The following IMMP2L variants were observed in gnomAD, a reference collection of about 807,000 sequenced individuals.
IMMP2L encodes the protein mitochondrial inner membrane protease subunit 2.
In IMMP2L, 18 loss-of-function variants were observed where a neutral mutation model predicts 19.3. That is an observed-to-expected ratio of 0.93 (90% CI 0.64 to 1.38). The LOEUF (loss-of-function observed/expected upper bound fraction) is 1.38. IMMP2L is among the 40% of genes most tolerant of loss of function. The pLI is 0.00. For missense variants in IMMP2L, 233 were observed against 218.2 expected (o/e 1.07, Z -0.43); for synonymous variants, 76 against 73.0 (o/e 1.04, Z -0.21).
intron 3 of IMMP2L, among the ~76,000 whole-genome samples, chr7:111,398,652 G>T (rs1355003170): frequency 6.6e-6 from 1 of 151,916 alleles, no homozygotes; most frequent in African/African-American, 2.4e-5. Flanking sequence ...CAGAAATAAA[G>T]GGCATCCAAA....
intron 5 of IMMP2L, among the ~76,000 whole-genome samples, chr7:110,664,390 A>G (rs1791296126): frequency 6.6e-6 from 1 of 152,112 alleles, no homozygotes; most frequent in Non-Finnish European, 1.5e-5. Flanking sequence ...GAGAAAGCAA[A>G]CAAGGTGGGA....
At chr7:111,215,358 G>T (rs1811821266) in intron 3 of IMMP2L, among the ~76,000 whole-genome samples, 1 of 152,010 alleles carries the variant, frequency 6.6e-6, no homozygotes, top group Non-Finnish European at 1.5e-5. Context: ...ATCTGAATCT[G>T]ACCCAAAATC....
rs968976224 is a variant in IMMP2L at position 110,870,859 on chromosome 7, T to C, written c.408+15734A>G. On this transcript the variant is annotated intron_variant, in intron 5 of 5. Coordinates refer to ENST00000405709, the MANE Select transcript of IMMP2L (RefSeq NM_032549.4). This position sits in a 1 kb window ranked among gnomAD's most constrained non-coding sequence, Gnocchi z 4.2. ...AATTCTAATAGCAACAGGAAGCCAC[T>C]GAAGTGTTTCATGTAGGCTAGAGAT... Among the ~76,000 whole-genome samples the C allele has an allele frequency of 6.6e-6, 1 of 152,122 alleles. No individual in the cohort carries two copies. Among genetic ancestry groups the C allele is most frequent in the African/African-American group, 2.4e-5 (1 of 41,452 alleles).
chr7:111,124,652 C>T, intron 3 of IMMP2L: 1 of 1,613,870 alleles, frequency 6.2e-7, no homozygotes, highest in Non-Finnish European at 8.5e-7. Flanking sequence ...AATAATACCA[C>T]AACACTTATG....
chr7:111,460,328 T>C (rs1457469633), intron 3 of IMMP2L, among the ~76,000 whole-genome samples: 1 of 152,082 alleles, frequency 6.6e-6, no homozygotes, highest in African/African-American at 2.4e-5. Context: ...GCTGAACACA[T>C]TGATGTTTAA....
intron 5 of IMMP2L, among the ~76,000 whole-genome samples, chr7:110,729,401 A>G (rs1796103640): frequency 6.6e-6 from 1 of 152,168 alleles, no homozygotes; most frequent in Admixed American, 6.5e-5. Flanking sequence ...TAAAACCATC[A>G]GATCTCAGGA....
intron 3 of IMMP2L, among the ~76,000 whole-genome samples, chr7:111,004,388 C>T (rs937925497): frequency 6.6e-6 from 1 of 152,018 alleles, no homozygotes; most frequent in Non-Finnish European, 1.5e-5. Flanking sequence ...TGGTCTGAAA[C>T]TCCTGGACTC....
intron 5 of IMMP2L, among the ~76,000 whole-genome samples, chr7:110,862,247 G>T (rs1388872578): frequency 6.6e-6 from 1 of 151,158 alleles, no homozygotes; most frequent in Non-Finnish European, 1.5e-5. Flanking sequence ...TTTTTTTTTA[G>T]AAATGGGGCT....
At chr7:110,838,494 G>A (rs1299289268) in intron 5 of IMMP2L, among the ~76,000 whole-genome samples, 1 of 152,050 alleles carries the variant, frequency 6.6e-6, no homozygotes, top group East Asian at 1.9e-4. Context: ...ACTGGATAAT[G>A]AGGGCTCTAC....
At chr7:111,399,297 G>A (rs1306480790) in intron 3 of IMMP2L, among the ~76,000 whole-genome samples, 1 of 152,058 alleles carries the variant, frequency 6.6e-6, no homozygotes, top group Non-Finnish European at 1.5e-5. Context: ...TAGACCAATG[G>A]AACACAATAG....
At chr7:110,669,695 A>G (rs1791758356) in intron 5 of IMMP2L, among the ~76,000 whole-genome samples, 1 of 152,154 alleles carries the variant, frequency 6.6e-6, no homozygotes, top group African/African-American at 2.4e-5. Context: ...TACTGCCTCT[A>G]TTTCGTAGCC....
At chr7:110,806,793 C>A (rs189111210) in intron 5 of IMMP2L, among the ~76,000 whole-genome samples, 34 of 151,766 alleles carry the variant, frequency 2.2e-4, no homozygotes, top group Admixed American at 1.9e-3. Flanking sequence ...CTGGCATAGT[C>A]AGAAAAGGTG....
At chr7:110,921,539 A>T (rs2129550520) in intron 4 of IMMP2L, among the ~76,000 whole-genome samples, 1 of 152,218 alleles carries the variant, frequency 6.6e-6, no homozygotes. Context: ...TATTCAAATT[A>T]CCCTCCCTTT....
chr7:110,782,278 A>G (rs1799794476), intron 5 of IMMP2L, among the ~76,000 whole-genome samples: 1 of 151,984 alleles, frequency 6.6e-6, no homozygotes, highest in Admixed American at 6.6e-5. Context: ...AGACTATCAA[A>G]GTGAGACAAT....
intron 3 of IMMP2L, among the ~76,000 whole-genome samples, chr7:111,201,018 C>T (rs977564167): frequency 6.6e-6 from 1 of 152,050 alleles, no homozygotes; most frequent in Non-Finnish European, 1.5e-5. Context: ...TAGATTAAGT[C>T]TTCTATAAAG....
chr7:110,799,784 T>G (rs1022432682), intron 5 of IMMP2L, among the ~76,000 whole-genome samples: 1 of 152,060 alleles, frequency 6.6e-6, no homozygotes, highest in Admixed American at 6.6e-5. Context: ...AGATGGGTGA[T>G]TCACTGGCAA....
intron 5 of IMMP2L, among the ~76,000 whole-genome samples, chr7:110,825,507 G>A (rs1584946550): frequency 6.6e-6 from 1 of 152,226 alleles, no homozygotes; most frequent in Admixed American, 6.5e-5. Flanking sequence ...CAGTGGAATA[G>A]AACAGAGCCC....
intron 1 of IMMP2L, among the ~76,000 whole-genome samples, chr7:111,556,215 T>C (rs1305773373): frequency 1.3e-5 from 2 of 151,424 alleles, no homozygotes; most frequent in Non-Finnish European, 2.9e-5. Flanking sequence ...CCATGTATAA[T>C]GAAAGAGTTT....
chr7:111,359,144 T>A (rs1315609796), intron 3 of IMMP2L, among the ~76,000 whole-genome samples: 1 of 152,162 alleles, frequency 6.6e-6, no homozygotes, highest in Non-Finnish European at 1.5e-5. Context: ...AGAGGCTGGC[T>A]GCTGTTGCCT....
Sources: allele counts gnomAD v4.1 joint callset (sites outside exome capture counted in the v4.1 genomes callset), GRCh38; gene constraint gnomAD v4.1.1; non-coding constraint Gnocchi (gnomAD v3.1); transcripts MANE v1.5; gene names NCBI Gene and HGNC (gene_info 2026-07-23, HGNC 2026-07-21).